Variants in SNRNP40 observed in about 807,000 individuals in gnomAD.
The protein encoded by SNRNP40 is small nuclear ribonucleoprotein U5 subunit 40.
Under a neutral mutation model 45.8 loss-of-function variants are expected in SNRNP40, and 21 were observed. The observed-to-expected ratio is 0.46, with a 90% CI of 0.32 to 0.66. SNRNP40 has a LOEUF of 0.66. Ranked by LOEUF, SNRNP40 falls within the 30% of genes least tolerant of loss-of-function variation. The pLI is 0.03. For missense variants in SNRNP40, 344 were observed against 439.1 expected, an observed-to-expected ratio of 0.78 and a Z score of 1.94; for synonymous variants, 142 against 163.8, an observed-to-expected ratio of 0.87 and a Z score of 1.01.
At chr1:31,284,689 A>G (rs557204446) in intron 4 of SNRNP40, among the ~76,000 whole-genome samples, 2 of 152,334 alleles carry the variant, frequency 1.3e-5, no homozygotes, top group Non-Finnish European at 2.9e-5. Flanking sequence ...AACTTTAGGG[A>G]AGGTCATAGG....
chr1:31,279,432 T>TCAC (rs1464994713), intron 5 of SNRNP40, among the ~76,000 whole-genome samples: 1 of 152,206 alleles, frequency 6.6e-6, no homozygotes, highest in Non-Finnish European at 1.5e-5. Flanking sequence ...AACAATATTA[T>TCAC]CACCACCACC....
In SNRNP40 at chr1:31,285,305, G is replaced by A. The variant is rs112984115; in HGVS notation, c.532-3809C>T. ...GTTGCTCATTCTGGAGTGCAGTGGC[G>A]TGATCTCCGCTCACTGCAACCTCCA... is the stretch of plus-strand genomic sequence containing the variant. On this transcript the variant is annotated intron_variant, in intron 4 of 9. Coordinates refer to ENST00000263694, the MANE Select transcript of SNRNP40 (RefSeq NM_004814.3). 1.6e-3 allele frequency among the ~76,000 whole-genome samples: 238 copies of A among 150,696 alleles called. 1 individual carries two copies. The highest frequency in any genetic ancestry group is 5.7e-3 in the African/African-American group (233 of 40,906).
At chr1:31,289,535 C>A (rs570225935) in intron 3 of SNRNP40, 116 bp from the exon 4 acceptor site, 6 of 839,422 alleles carry the variant, frequency 7.1e-6, no homozygotes, top group African/African-American at 1.7e-5. Context: ...TGCTGTGCTA[C>A]GCCAGTTTGC....
At chr1:31,292,120 T>G in intron 2 of SNRNP40, 114 bp from the exon 3 acceptor site, 1 of 596,786 alleles carries the variant, frequency 1.7e-6, no homozygotes, top group Non-Finnish European at 3.1e-6. Flanking sequence ...CCCAGCACTT[T>G]GGGAGGCCGA....
intron 4 of SNRNP40, 21 bp from the exon 5 acceptor site, chr1:31,281,517 G>T: frequency 6.3e-7 from 1 of 1,582,302 alleles, no homozygotes; most frequent in Non-Finnish European, 8.7e-7. Context: ...GGACAAGACA[G>T]TCTATCAGCA....
intron 6 of SNRNP40, chr1:31,269,722 TA>T (rs1292606144): frequency 5.6e-6 from 1 of 180,134 alleles, no homozygotes; most frequent in East Asian, 1.4e-4. Flanking sequence ...ATAAAATATA[TA>T]AAAGGTCAAA....
intron 8 of SNRNP40, among the ~76,000 whole-genome samples, chr1:31,262,679 T>C (rs1645868450): frequency 6.6e-6 from 1 of 151,500 alleles, no homozygotes; most frequent in African/African-American, 2.4e-5. Context: ...AAAAAAGAGC[T>C]TATTAGAGAA....
intron 8 of SNRNP40, among the ~76,000 whole-genome samples, chr1:31,265,586 A>C (rs1486564607): frequency 5.9e-5 from 9 of 152,236 alleles, no homozygotes. Context: ...CATGACTGTA[A>C]TCCCAGCACT....
intron 4 of SNRNP40, chr1:31,282,156 T>C (rs1052631435): frequency 3.3e-5 from 5 of 152,124 alleles, no homozygotes; most frequent in Admixed American, 6.6e-5. Context: ...ATATTCCCAG[T>C]ATGGTTTCCT....
At chr1:31,284,472 C>T (rs562934386) in intron 4 of SNRNP40, among the ~76,000 whole-genome samples, 4 of 152,216 alleles carry the variant, frequency 2.6e-5, no homozygotes, top group Non-Finnish European at 4.4e-5. Flanking sequence ...CTTAAACAAA[C>T]AAACCCTTAT....
At chr1:31,271,942 G>A (rs1645941903) in intron 5 of SNRNP40, among the ~76,000 whole-genome samples, 1 of 152,132 alleles carries the variant, frequency 6.6e-6, no homozygotes, top group Non-Finnish European at 1.5e-5. Context: ...GCCAATCTCT[G>A]TCTTTCTAAA....
chr1:31,260,267 A>T, intron 9 of SNRNP40, 146 bp from the exon 10 acceptor site: 1 of 558,362 alleles, frequency 1.8e-6, no homozygotes, highest in East Asian at 3.0e-5. Context: ...TCCACAGGAA[A>T]TTGTAGCCTG....
At chr1:31,267,802 G>A (rs950024427) in intron 8 of SNRNP40, 69 bp downstream of exon 8, 1 of 1,213,108 alleles carries the variant, frequency 8.2e-7, no homozygotes, top group South Asian at 1.2e-5. Context: ...AAAGTGCTGG[G>A]ATTGCAGGCA....
intron 4 of SNRNP40, among the ~76,000 whole-genome samples, chr1:31,284,297 C>T (rs1281105014): frequency 6.6e-6 from 1 of 152,152 alleles, no homozygotes; most frequent in African/African-American, 2.4e-5. Flanking sequence ...TACAGGCATG[C>T]GCCACCACGC....
intron 4 of SNRNP40, among the ~76,000 whole-genome samples, chr1:31,287,756 T>C (rs1210828258): frequency 1.3e-5 from 2 of 152,098 alleles, no homozygotes; most frequent in African/African-American, 4.8e-5. Context: ...TCCCAGCACT[T>C]TGGGAGGCCG....
At chr1:31,285,643 C>A (rs751681404) in intron 4 of SNRNP40, among the ~76,000 whole-genome samples, 3 of 152,142 alleles carry the variant, frequency 2.0e-5, no homozygotes, top group Non-Finnish European at 4.4e-5. Context: ...ACCATTTTAT[C>A]CTCAAATCCC....
chr1:31,266,395 G>A (rs1645897112), intron 8 of SNRNP40, among the ~76,000 whole-genome samples: 2 of 152,250 alleles, frequency 1.3e-5, no homozygotes, highest in Non-Finnish European at 1.5e-5. Flanking sequence ...CCCAATGAGA[G>A]CTAAACACAG....
At chr1:31,286,463 T>C (rs1214330589) in intron 4 of SNRNP40, among the ~76,000 whole-genome samples, 1 of 152,118 alleles carries the variant, frequency 6.6e-6, no homozygotes, top group Non-Finnish European at 1.5e-5. Flanking sequence ...CCAACTTGGG[T>C]CATTCCTCTG....
chr1:31,283,961 T>C (rs1646037621), intron 4 of SNRNP40, among the ~76,000 whole-genome samples: 1 of 152,044 alleles, frequency 6.6e-6, no homozygotes. Flanking sequence ...TGGTGGCTCA[T>C]GCCTGTAACC....
Sources: gnomAD v4.1 joint callset for allele counts (sites outside exome capture counted in the v4.1 genomes callset) on GRCh38, gnomAD v4.1.1 for gene constraint, MANE v1.5 for transcripts, NCBI Gene and HGNC (gene_info 2026-07-23, HGNC 2026-07-21) for gene names.